USP8: variants seen among roughly 807,000 people sequenced by gnomAD.
USP8 encodes ubiquitin carboxyl-terminal hydrolase 8.
A neutral mutation model predicts 130.0 loss-of-function variants in USP8; 27 were observed. That is an observed-to-expected ratio of 0.21 (90% CI 0.15 to 0.29). The LOEUF is 0.29. Ranked by LOEUF, USP8 falls within the 10% of genes least tolerant of loss-of-function variation. USP8 has a pLI of 1.00. For synonymous variants in USP8, 392 were observed against 444.1 expected (o/e 0.88, Z 1.48); for missense variants, 1,029 against 1,312.2 (o/e 0.78, Z 3.33).
intron 8 of USP8, among the ~76,000 whole-genome samples, chr15:50,472,727 A>G (rs1328522481): frequency 6.6e-6 from 1 of 152,180 alleles, no homozygotes; most frequent in East Asian, 1.9e-4. Context: ...CTTGACCAAC[A>G]TGCAGAAACC....
At chr15:50,436,317 G>C (rs918627245) in intron 1 of USP8, among the ~76,000 whole-genome samples, 5 of 148,250 alleles carry the variant, frequency 3.4e-5, no homozygotes, top group African/African-American at 1.2e-4. Flanking sequence ...CCCCCACCAA[G>C]ACTCAAATCA....
intron 16 of USP8, among the ~76,000 whole-genome samples, chr15:50,495,498 C>A (rs1297276267): frequency 6.7e-6 from 1 of 149,612 alleles, no homozygotes; most frequent in Non-Finnish European, 1.5e-5. Context: ...GGGGGGGTCT[C>A]ACTATGTTGC....
Position 50,492,844 on chromosome 15 carries a change from A to T in USP8, c.2378A>T (p.Gln793Leu). The T allele has an allele frequency of 6.2e-7, 1 of 1,614,144 alleles. No individual in the cohort carries two copies. Among genetic ancestry groups the T allele is most frequent in the East Asian group, 2.2e-5 (1 of 44,872 alleles). Residue 793 changes from glutamine to leucine, a missense_variant, in exon 15 of 20, where the codon CAG (glutamine) becomes CTG (leucine). Around this residue, in one of 4 missense-constraint regions of USP8, gnomAD observed 257 missense variants for 429.8 expected, o/e 0.60. Transcript: ENST00000307179. ...ACTTGTTATATGAACTCAATATTGC[A>T]GTGCCTATGTAACGCTCCACATTTG... ...GNTCYMNSIL[Q>L]CLCNAPHLAD...
chr15:50,449,109 G>T (rs1335611137), intron 3 of USP8, among the ~76,000 whole-genome samples: 1 of 151,986 alleles, frequency 6.6e-6, no homozygotes, highest in Non-Finnish European at 1.5e-5. Context: ...TTGCTCTTTG[G>T]CGCTTACTCA....
chr15:50,428,248 C>T (rs1381398697), intron 1 of USP8, among the ~76,000 whole-genome samples: 1 of 152,172 alleles, frequency 6.6e-6, no homozygotes, highest in Admixed American at 6.5e-5. Flanking sequence ...TCCCAAGTAG[C>T]TGGGATCACA....
chr15:50,512,609 G>A lies in USP8; in HGVS notation c.*13521G>A, dbSNP rs1054883212. 8 of 152,070 alleles carry A rather than the reference G, an allele frequency of 5.3e-5. No homozygotes were observed. Among genetic ancestry groups the A allele is most frequent in the African/African-American group, 1.9e-4 (8 of 41,382 alleles). 9.4% of individuals were successfully genotyped at this position (152,070 alleles called of 1,614,324 possible). ...GTTCCAGACCAGTCTGGCCAACATGGTGAAACCACATCTCTACTAAAAATA... is the reference window on the plus strand; with the variant it reads ...GTTCCAGACCAGTCTGGCCAACATGATGAAACCACATCTCTACTAAAAATA... On this transcript the variant is annotated 3_prime_UTR_variant, in exon 20 of 20. Coordinates refer to ENST00000307179, the MANE Select transcript of USP8 (RefSeq NM_005154.5).
At chr15:50,454,455 C>CTTTTTT (rs112075064) in intron 4 of USP8, among the ~76,000 whole-genome samples, 3 of 134,974 alleles carry the variant, frequency 2.2e-5, no homozygotes, top group East Asian at 2.1e-4. Flanking sequence ...ATTTTCTTTT[C>CTTTTTT]TTTTTTTTTT....
At chr15:50,445,589 C>T (rs1053226317) in intron 3 of USP8, among the ~76,000 whole-genome samples, 1 of 120,720 alleles carries the variant, frequency 8.3e-6, no homozygotes, top group Non-Finnish European at 1.7e-5. Context: ...CAGTGGCTCA[C>T]GCCTGTAGTC....
chr15:50,478,591 T>C (rs959671043), intron 10 of USP8, among the ~76,000 whole-genome samples: 1 of 152,224 alleles, frequency 6.6e-6, no homozygotes, highest in Non-Finnish European at 1.5e-5. Flanking sequence ...TAGATGTGAT[T>C]AAACAACTTT....
At position 50,508,291 on chromosome 15, in the gene USP8, T is replaced by A. The variant is rs987794819; in HGVS notation, c.*9203T>A. 2 of 152,142 alleles carry A rather than the reference T, an allele frequency of 1.3e-5. No individual in the cohort carries two copies. Among genetic ancestry groups the A allele is most frequent in the Non-Finnish European group, 2.9e-5 (2 of 68,024 alleles). The allele number at this position is 152,142 out of a possible 1,614,324, so 9.4% of individuals were successfully genotyped here. On this transcript the variant is annotated 3_prime_UTR_variant, in exon 20 of 20. Coordinates refer to ENST00000307179, the MANE Select transcript of USP8 (RefSeq NM_005154.5). ...TATATCAAAACATGGGATGCACTGA[T>A]GTCTGAGAATGTCTTAAAAATAATA...
At chr15:50,436,861 G>A (rs576194056) in intron 1 of USP8, among the ~76,000 whole-genome samples, 1 of 151,994 alleles carries the variant, frequency 6.6e-6, no homozygotes, top group South Asian at 2.1e-4. Context: ...GTAGAGATAG[G>A]GTTTCACCAT....
At chr15:50,468,302 C>G (rs2051262246) in intron 7 of USP8, among the ~76,000 whole-genome samples, 1 of 140,552 alleles carries the variant, frequency 7.1e-6, no homozygotes. Flanking sequence ...GTTGTACAAT[C>G]TTGGCTCACT....
chr15:50,465,499 T>C (rs953582082), intron 7 of USP8, among the ~76,000 whole-genome samples: 23 of 152,284 alleles, frequency 1.5e-4, no homozygotes, highest in East Asian at 3.9e-4. Context: ...TCCACCCTTT[T>C]TGAAGGTTGA....
rs1035183066 is a variant in USP8 at position 50,473,216 on chromosome 15, G to C, written c.849+1421G>C. ...ATACGGTTGTCCTCAGTATTTGTGGGGGATTGATGCTAGGACCCCCCACAA... is the reference window on the plus strand; with the variant it reads ...ATACGGTTGTCCTCAGTATTTGTGGCGGATTGATGCTAGGACCCCCCACAA... On this transcript the variant is annotated intron_variant, in intron 8 of 19. Coordinates refer to ENST00000307179, the MANE Select transcript of USP8 (RefSeq NM_005154.5). Among the ~76,000 whole-genome samples, 15 of 152,112 alleles carry C rather than the reference G, an allele frequency of 9.9e-5. No homozygotes were observed. In the East Asian group the frequency reaches 2.7e-3, roughly 27 times the overall value.
Position 50,499,616 on chromosome 15 carries a change from G to A in USP8, c.*528G>A, listed in dbSNP as rs1412633136. ...TTCAGCCTATTTTGAGTTAACTTCA[G>A]TGCTTTCTTAGGGAAATGACAGGGC... is the stretch of plus-strand genomic sequence containing the variant. On this transcript the variant is annotated 3_prime_UTR_variant, in exon 20 of 20. Coordinates refer to ENST00000307179, the MANE Select transcript of USP8 (RefSeq NM_005154.5). 2 of 151,634 alleles carry A rather than the reference G, an allele frequency of 1.3e-5. No homozygotes were observed. Among genetic ancestry groups the A allele is most frequent in the Admixed American group, 1.3e-4 (2 of 15,222 alleles). The allele number at this position is 151,634 out of a possible 1,614,324, so 9.4% of individuals were successfully genotyped here.
chr15:50,434,440 G>A (rs546681351), intron 1 of USP8, among the ~76,000 whole-genome samples: 8 of 151,804 alleles, frequency 5.3e-5, no homozygotes, highest in African/African-American at 1.9e-4. Flanking sequence ...AACACTTTTG[G>A]ATTTCACTTT....
chr15:50,482,160 T>G (rs908213960), intron 11 of USP8, 95 bp downstream of exon 11: 1 of 1,188,234 alleles, frequency 8.4e-7, no homozygotes, highest in African/African-American at 1.6e-5. Flanking sequence ...GGCAGGCATT[T>G]CAAATAGTCT....
Position 50,511,196 on chromosome 15 carries a change from A to C in USP8, c.*12108A>C, listed in dbSNP as rs901390305. Reference sequence around the variant, plus strand: ...ATGCTCAACATCATTAGTCATTAGGAAAATGCAACTCAAAACCATGACATA... The same window carrying C: ...ATGCTCAACATCATTAGTCATTAGGCAAATGCAACTCAAAACCATGACATA... On this transcript the variant is annotated 3_prime_UTR_variant, in exon 20 of 20. Transcript: ENST00000307179. 3.3e-5 allele frequency: 5 copies of C among 152,222 alleles called. No homozygotes were observed. The highest frequency in any genetic ancestry group is 1.2e-4 in the African/African-American group (5 of 41,452). 9.4% of individuals were successfully genotyped at this position (152,222 alleles called of 1,614,324 possible).
At chr15:50,473,447 CAT>C (rs914963587) in intron 8 of USP8, among the ~76,000 whole-genome samples, 18 of 152,230 alleles carry the variant, frequency 1.2e-4, no homozygotes, top group African/African-American at 4.3e-4. Flanking sequence ...TCAGTACAGA[CAT>C]AACCATCATA....
Sources: gnomAD v4.1 joint callset for allele counts (sites outside exome capture counted in the v4.1 genomes callset) on GRCh38, gnomAD v4.1.1 for gene constraint, gnomAD v4.1.1 regional missense constraint, MANE v1.5 for transcripts, NCBI Gene and HGNC (gene_info 2026-07-23, HGNC 2026-07-21) for gene names.